The following USP6NL variants were observed in gnomAD, a reference collection of about 807,000 sequenced individuals.
The protein encoded by USP6NL is USP6 N-terminal like.
A neutral mutation model predicts 61.9 loss-of-function variants in USP6NL; 26 were observed. That is an observed-to-expected ratio of 0.42 (90% CI 0.31 to 0.58). The LOEUF is 0.58. USP6NL is among the 20% of genes least tolerant of loss of function. USP6NL has a pLI of 0.16. For missense variants in USP6NL, 1,114 were observed against 1,034.3 expected (o/e 1.08, Z -1.06); for synonymous variants, 432 against 390.1 (o/e 1.11, Z -1.27).
Position 11,463,714 on chromosome 10 carries a change from C to A in USP6NL, c.1214G>T (p.Ser405Ile). 6.2e-7 allele frequency: 1 copy of A among 1,610,730 alleles called. No homozygotes were observed. Among genetic ancestry groups the A allele is most frequent in the Non-Finnish European group, 8.5e-7 (1 of 1,178,080 alleles). ...PSPLASGRRE[S>I]GAPHRRHEHS... ...CTCGTGCCTCCTGTGGGGCGCCCCGCTCTCCCTCCTGCCGCTGGCCAGCGG... is the reference window on the plus strand; with the variant it reads ...CTCGTGCCTCCTGTGGGGCGCCCCGATCTCCCTCCTGCCGCTGGCCAGCGG... The change falls in exon 15 of 15, where the codon AGC becomes ATC. Residue 405 changes from serine (S) to isoleucine (I), a missense_variant. By Grantham distance (142) the Ser-to-Ile change is moderately radical (BLOSUM62 -2). Transcript: ENST00000609104. This position sits in a 1 kb window ranked among gnomAD's most constrained non-coding sequence, Gnocchi z 6.3.
At chr10:11,538,355 C>T (rs17150540) in intron 2 of USP6NL, among the ~76,000 whole-genome samples, 17,600 of 152,132 alleles carry the variant, frequency 0.12, 1,559 homozygotes, top group East Asian at 0.42. Context: ...TTCTGACCTA[C>T]TGTATTTCCA....
intron 7 of USP6NL, among the ~76,000 whole-genome samples, chr10:11,497,938 T>TA (rs1834008959): frequency 6.6e-6 from 1 of 152,022 alleles, no homozygotes; most frequent in South Asian, 2.1e-4. Flanking sequence ...AGCATTTAGA[T>TA]AAAAAATTGG....
Position 11,468,428 on chromosome 10 carries a change from A to C in USP6NL, c.1079-4579T>G, listed in dbSNP as rs556779834. Among the ~76,000 whole-genome samples the C allele has an allele frequency of 4.1e-4, 63 of 152,288 alleles. 1 individual carries two copies. The South Asian group carries it at 0.011, about 26-fold the overall frequency. On this transcript the variant is annotated intron_variant, in intron 14 of 14. Transcript: ENST00000609104. This position sits in a 1 kb window ranked among gnomAD's most constrained non-coding sequence, Gnocchi z 4.5. ...TCATTCTAAAACCTCTTTTTCACTG[A>C]AAACATGGAAGCGAAACACTACTGG...
chr10:11,563,002 AAAAAT>A (rs937510236), intron 2 of USP6NL, among the ~76,000 whole-genome samples: 1 of 151,922 alleles, frequency 6.6e-6, no homozygotes, highest in African/African-American at 2.4e-5. Flanking sequence ...AAAAAAAATA[AAAAAT>A]AAAATAAAAT....
rs1308722810 is a variant in USP6NL, at chr10:11,491,800, A to G, written c.495-920T>C. 6.6e-6 allele frequency among the ~76,000 whole-genome samples: 1 copy of G among 152,224 alleles called. No individual in the cohort carries two copies. The highest frequency in any genetic ancestry group is 1.5e-5 in the Non-Finnish European group (1 of 68,030). On this transcript the variant is annotated intron_variant, in intron 8 of 14. Transcript: ENST00000609104. The surrounding 1 kb of genome is among the most constrained non-coding windows in gnomAD (Gnocchi z 4.7). ...ATTTTCAGGAAGAAAGGTTTGAGTT[A>G]TCCCTCTAGGTAAAGAACCACAACC... is the stretch of plus-strand genomic sequence containing the variant.
Position 11,489,976 on chromosome 10 carries a change from C to G in USP6NL, c.544-754G>C, listed in dbSNP as rs767917413. Among the ~76,000 whole-genome samples, 3 of 152,168 alleles carry G rather than the reference C, an allele frequency of 2.0e-5. No individual in the cohort carries two copies. Among genetic ancestry groups the G allele is most frequent in the Non-Finnish European group, 4.4e-5 (3 of 68,028 alleles). On this transcript the variant is annotated intron_variant, in intron 9 of 14. Coordinates refer to ENST00000609104, the MANE Select transcript of USP6NL (RefSeq NM_014688.5). This position sits in a 1 kb window ranked among gnomAD's most constrained non-coding sequence, Gnocchi z 5.7. ...CTGGAGAGAGAAACAGTGAACTGAA[C>G]AGTTCACAGAGATCATCTGAGATAC...
intron 2 of USP6NL, among the ~76,000 whole-genome samples, chr10:11,541,140 C>G (rs748123901): frequency 3.7e-4 from 55 of 149,944 alleles, no homozygotes; most frequent in Non-Finnish European, 6.4e-4. Flanking sequence ...ATTCCTTAAA[C>G]TCTGTTACTG....
Position 11,518,681 on chromosome 10 carries a change from C to A in USP6NL, c.156-107G>T. On this transcript the variant is annotated intron_variant, in intron 4 of 14. Transcript: ENST00000609104. The surrounding 1 kb of genome is among the most constrained non-coding windows in gnomAD (Gnocchi z 5.3). ...GACATACAATATTTATTTGTCATCA[C>A]AAGAGTTACATAGGCTTCCATTCAT... 6.0e-6 allele frequency: 5 copies of A among 827,298 alleles called. No individual in the cohort carries two copies. The South Asian group carries it at 9.2e-5, about 15-fold the overall frequency. 51.2% of individuals were successfully genotyped at this position (827,298 alleles called of 1,614,324 possible). A position where few individuals can be genotyped will look rare whatever the true frequency, so the allele number is the denominator to read the frequency against.
At chr10:11,536,716 C>G (rs1281643054) in intron 2 of USP6NL, among the ~76,000 whole-genome samples, 1 of 152,184 alleles carries the variant, frequency 6.6e-6, no homozygotes, top group Non-Finnish European at 1.5e-5. Context: ...CAATCCTATA[C>G]TTCCCCGCGG....
intron 2 of USP6NL, among the ~76,000 whole-genome samples, chr10:11,554,184 G>A (rs1278606810): frequency 1.3e-5 from 2 of 152,184 alleles, no homozygotes; most frequent in Non-Finnish European, 2.9e-5. Flanking sequence ...AAAGAGCAAC[G>A]GTGCAGCCCC....
chr10:11,498,619 A>G (rs1474134064), intron 7 of USP6NL, among the ~76,000 whole-genome samples: 2 of 152,176 alleles, frequency 1.3e-5, no homozygotes, highest in East Asian at 1.9e-4. Flanking sequence ...CTTAGACATA[A>G]AAGTATTCAA....
intron 10 of USP6NL, among the ~76,000 whole-genome samples, chr10:11,488,465 A>G (rs143981589): frequency 1.8e-3 from 274 of 152,360 alleles, no homozygotes; most frequent in African/African-American, 5.8e-3. Flanking sequence ...TGGCAAAAAC[A>G]AGGAAACAGT....
chr10:11,558,237 C>T (rs765507284), intron 2 of USP6NL, among the ~76,000 whole-genome samples: 1 of 152,158 alleles, frequency 6.6e-6, no homozygotes, highest in Non-Finnish European at 1.5e-5. Flanking sequence ...AATGCCACTC[C>T]TATAAGTATG....
intron 2 of USP6NL, among the ~76,000 whole-genome samples, chr10:11,559,363 C>G (rs1836836583): frequency 6.6e-6 from 1 of 152,090 alleles, no homozygotes; most frequent in African/African-American, 2.4e-5. Context: ...ATATAGCCTA[C>G]TTTGTCATTT....
intron 2 of USP6NL, among the ~76,000 whole-genome samples, chr10:11,584,990 A>G (rs1485218155): frequency 6.6e-6 from 1 of 152,106 alleles, no homozygotes; most frequent in Admixed American, 6.5e-5. Flanking sequence ...ATAAATATAT[A>G]AAAGCTACAC....
intron 2 of USP6NL, among the ~76,000 whole-genome samples, chr10:11,579,878 A>C (rs1210595826): frequency 6.6e-6 from 1 of 151,560 alleles, no homozygotes; most frequent in African/African-American, 2.4e-5. Context: ...ATTGTACAAT[A>C]CACAGACAAT....
intron 1 of USP6NL, among the ~76,000 whole-genome samples, chr10:11,607,628 G>C (rs1166815120): frequency 1.3e-5 from 2 of 152,180 alleles, no homozygotes; most frequent in East Asian, 3.9e-4. Context: ...AAAGGCTGCA[G>C]TGAGCTGAGA....
At chr10:11,492,333 A>T (rs1833738677) in intron 8 of USP6NL, among the ~76,000 whole-genome samples, 1 of 152,234 alleles carries the variant, frequency 6.6e-6, no homozygotes, top group African/African-American at 2.4e-5. Flanking sequence ...ACACTGATCT[A>T]GGTGTCACTG....
intron 6 of USP6NL, among the ~76,000 whole-genome samples, chr10:11,503,700 AGTT>A (rs545720369): frequency 5.4e-4 from 82 of 152,348 alleles, no homozygotes; most frequent in Middle Eastern, 3.4e-3. Context: ...GAAACTATTT[AGTT>A]AATCTGTTTT....
Sources: gnomAD v4.1 joint callset for allele counts (sites outside exome capture counted in the v4.1 genomes callset) on GRCh38, gnomAD v4.1.1 for gene constraint, Gnocchi (gnomAD v3.1) non-coding constraint, MANE v1.5 for transcripts, NCBI Gene and HGNC (gene_info 2026-07-23, HGNC 2026-07-21) for gene names.